COMMD1: variants seen among roughly 807,000 people sequenced by gnomAD.
COMMD1 encodes copper metabolism domain containing 1.
Under a neutral mutation model 17.2 loss-of-function variants are expected in COMMD1, and 10 were observed. The observed-to-expected ratio is 0.58, with a 90% CI of 0.36 to 0.99. The LOEUF (loss-of-function observed/expected upper bound fraction) is 0.99. Ranked by LOEUF, COMMD1 falls within the 50% of genes least tolerant of loss-of-function variation. The pLI is 0.01. For missense variants in COMMD1, 270 were observed against 231.8 expected (o/e 1.17, Z -1.07); for synonymous variants, 97 against 91.6 (o/e 1.06, Z -0.34).
At chr2:61,901,810 C>A (rs1398469596), upstream of COMMD1, among the ~76,000 whole-genome samples, 1 of 152,040 alleles carries the variant, frequency 6.6e-6, no homozygotes, top group Non-Finnish European at 1.5e-5. Flanking sequence ...CAGACTTTTT[C>A]TACGTAGGTT....
At chr2:62,134,767 A>G (rs1331068796) in intron 2 of COMMD1, among the ~76,000 whole-genome samples, 2 of 151,930 alleles carry the variant, frequency 1.3e-5, no homozygotes, top group Admixed American at 6.6e-5. Flanking sequence ...ACAGAGGGGG[A>G]AAAAAATCTT....
At chr2:61,919,137 G>A (rs910170302) in intron 1 of COMMD1, among the ~76,000 whole-genome samples, 1 of 151,872 alleles carries the variant, frequency 6.6e-6, no homozygotes, top group Non-Finnish European at 1.5e-5. Context: ...TCAGCCTCCC[G>A]TGTAGCTGGG....
intron 2 of COMMD1, among the ~76,000 whole-genome samples, chr2:62,120,937 T>A (rs1055671883): frequency 1.3e-5 from 2 of 151,762 alleles, no homozygotes; most frequent in Non-Finnish European, 2.9e-5. Context: ...AGAGACAGGG[T>A]TTTTTCATGT....
At chr2:61,998,387 G>A (rs1228125694) in intron 1 of COMMD1, among the ~76,000 whole-genome samples, 1 of 151,950 alleles carries the variant, frequency 6.6e-6, no homozygotes, top group Non-Finnish European at 1.5e-5. Context: ...AGCCTCCTGA[G>A]TAGTTGGGAT....
At chr2:61,958,786 T>C (rs1671264023) in intron 1 of COMMD1, among the ~76,000 whole-genome samples, 1 of 152,190 alleles carries the variant, frequency 6.6e-6, no homozygotes, top group South Asian at 2.1e-4. Flanking sequence ...ACTTTTTTCA[T>C]AGTATTTATT....
At chr2:62,122,758 T>G (rs1239787344) in intron 2 of COMMD1, among the ~76,000 whole-genome samples, 4 of 152,228 alleles carry the variant, frequency 2.6e-5, no homozygotes, top group African/African-American at 9.6e-5. Flanking sequence ...GGCTCTAGCT[T>G]TTTTCTAACC....
intron 2 of COMMD1, among the ~76,000 whole-genome samples, chr2:62,072,719 T>A (rs1387655857): frequency 6.6e-6 from 1 of 152,020 alleles, no homozygotes; most frequent in Non-Finnish European, 1.5e-5. Context: ...CATCTCTGAG[T>A]TTTCGGGCAC....
rs1233427941 is a variant in COMMD1, at chr2:61,942,992, G to A, written c.180+37134G>A. ...TTATGCTTCAGAACTCTAGCCATGA[G>A]ATATTAACAGAGACTTACCAGTTTG... On this transcript the variant is annotated intron_variant, in intron 1 of 2. Transcript: ENST00000311832. Among the ~76,000 whole-genome samples the A allele has an allele frequency of 1.3e-5, 2 of 152,148 alleles. 1 individual carries two copies. Among genetic ancestry groups the A allele is most frequent in the Non-Finnish European group, 2.9e-5 (2 of 68,034 alleles).
At chr2:61,902,552 A>G (rs1477001678), upstream of COMMD1, among the ~76,000 whole-genome samples, 3 of 152,104 alleles carry the variant, frequency 2.0e-5, no homozygotes, top group Non-Finnish European at 2.9e-5. Flanking sequence ...AGAAACCCCT[A>G]TAGAAAATGG....
chr2:61,888,580 T>C (rs575173754), upstream of COMMD1: 8 of 1,546,078 alleles, frequency 5.2e-6, no homozygotes, highest in African/African-American at 4.1e-5. Flanking sequence ...CGCAGTGTAA[T>C]AACGGTAAGC....
intron 1 of COMMD1, among the ~76,000 whole-genome samples, chr2:61,910,539 G>A (rs1000379415): frequency 5.9e-5 from 9 of 152,184 alleles, no homozygotes; most frequent in East Asian, 3.9e-4. Context: ...GAGCCACTGC[G>A]TCCGGCCCAA....
chr2:61,984,084 C>A (rs774042764), intron 1 of COMMD1, among the ~76,000 whole-genome samples: 1 of 152,156 alleles, frequency 6.6e-6, no homozygotes, highest in Admixed American at 6.5e-5. Context: ...AGTACAGCGG[C>A]ATGATCTCGG....
chr2:62,004,020 C>T (rs1294474135), intron 2 of COMMD1, among the ~76,000 whole-genome samples: 1 of 151,918 alleles, frequency 6.6e-6, no homozygotes, highest in Admixed American at 6.6e-5. Flanking sequence ...TCCAGCTACT[C>T]AGGAGGCTGA....
At chr2:62,037,277 A>G (rs11683457) in intron 2 of COMMD1, among the ~76,000 whole-genome samples, 6,018 of 152,250 alleles carry the variant, frequency 0.04, 304 homozygotes, top group African/African-American at 0.12. Flanking sequence ...GAAGGTATCT[A>G]TATTTAACTT....
chr2:62,100,348 A>T (rs1011844658), intron 2 of COMMD1: 2 of 152,174 alleles, frequency 1.3e-5, no homozygotes, highest in Non-Finnish European at 2.9e-5. Flanking sequence ...ACACTGTAAA[A>T]TATTTGAAGA....
At chr2:62,051,971 A>G (rs1430204587) in intron 2 of COMMD1, among the ~76,000 whole-genome samples, 1 of 152,190 alleles carries the variant, frequency 6.6e-6, no homozygotes, top group African/African-American at 2.4e-5. Flanking sequence ...AAGAATAGTA[A>G]TAAAAAGTTC....
intron 1 of COMMD1, among the ~76,000 whole-genome samples, chr2:61,940,943 C>T (rs1055863253): frequency 1.3e-5 from 2 of 152,008 alleles, no homozygotes; most frequent in African/African-American, 4.8e-5. Context: ...CCGCCTCGGC[C>T]TCCCAAAGTG....
At chr2:62,067,967 TCCCA>T (rs1446105037) in intron 2 of COMMD1, among the ~76,000 whole-genome samples, 1 of 152,210 alleles carries the variant, frequency 6.6e-6, no homozygotes, top group Non-Finnish European at 1.5e-5. Context: ...TAATTGTTAA[TCCCA>T]TTTTCTATTT....
chr2:61,951,327 G>A (rs1671047834), intron 1 of COMMD1, among the ~76,000 whole-genome samples: 1 of 152,086 alleles, frequency 6.6e-6, no homozygotes, highest in African/African-American at 2.4e-5. Context: ...AGGCATGGTG[G>A]CGCGTGCCTG....
Sources: gnomAD v4.1 joint callset for allele counts (sites outside exome capture counted in the v4.1 genomes callset) on GRCh38, gnomAD v4.1.1 for gene constraint, MANE v1.5 for transcripts, NCBI Gene and HGNC (gene_info 2026-07-23, HGNC 2026-07-21) for gene names.